Variants in SEMA3A observed in about 807,000 individuals in gnomAD.
The protein encoded by SEMA3A is semaphorin 3A.
A neutral mutation model predicts 97.9 loss-of-function variants in SEMA3A; 29 were observed. The observed-to-expected ratio is 0.30, with a 90% CI of 0.22 to 0.40. The LOEUF is 0.40. Ranked by LOEUF, SEMA3A falls within the 10% of genes least tolerant of loss-of-function variation. The pLI, the probability that SEMA3A is intolerant of heterozygous loss-of-function variation, is 1.00. For synonymous variants in SEMA3A, 321 were observed against 323.7 expected (o/e 0.99, Z 0.09); for missense variants, 763 against 951.3 (o/e 0.80, Z 2.60).
intron 1 of SEMA3A, among the ~76,000 whole-genome samples, chr7:84,179,792 G>A (rs946419956): frequency 6.6e-6 from 1 of 151,726 alleles, no homozygotes; most frequent in African/African-American, 2.4e-5. Flanking sequence ...AAGTATAGAA[G>A]CAAGAGTGTA....
intron 1 of SEMA3A, among the ~76,000 whole-genome samples, chr7:84,445,742 T>A (rs566930066): frequency 6.7e-4 from 102 of 151,572 alleles, no homozygotes; most frequent in Middle Eastern, 3.4e-3. Flanking sequence ...AAATTTATAG[T>A]TATAAATGCT....
chr7:84,441,896 C>CA (rs759120192), intron 1 of SEMA3A, among the ~76,000 whole-genome samples: 1 of 152,058 alleles, frequency 6.6e-6, no homozygotes, highest in Non-Finnish European at 1.5e-5. Flanking sequence ...ATGCAAAAAA[C>CA]AAACAAAACA....
At chr7:84,468,510 G>C (rs1806062714) in intron 1 of SEMA3A, among the ~76,000 whole-genome samples, 1 of 152,036 alleles carries the variant, frequency 6.6e-6, no homozygotes, top group Admixed American at 6.5e-5. Flanking sequence ...TGTCACACTA[G>C]TCACACCAAC....
intron 6 of SEMA3A, among the ~76,000 whole-genome samples, chr7:84,028,627 T>A (rs762511737): frequency 2.0e-5 from 3 of 152,154 alleles, no homozygotes; most frequent in Non-Finnish European, 2.9e-5. Context: ...TATTTTGAGA[T>A]GGAGTCTCAC....
intron 2 of SEMA3A, among the ~76,000 whole-genome samples, chr7:84,368,904 T>A (rs1008962192): frequency 6.6e-6 from 1 of 151,016 alleles, no homozygotes; most frequent in African/African-American, 2.4e-5. Context: ...TTGTATACAT[T>A]TGTGTATGCA....
chr7:83,961,530 A>C lies in SEMA3A; in HGVS notation c.2157T>G (p.Asp719Glu), dbSNP rs2116246935. The C allele has an allele frequency of 6.2e-7, 1 of 1,614,080 alleles. No homozygotes were observed. Among genetic ancestry groups the C allele is most frequent in the Non-Finnish European group, 8.5e-7 (1 of 1,179,972 alleles). Residue 719 changes from aspartate to glutamate, a missense_variant, in exon 17 of 17, where the codon GAT becomes GAG. By Grantham distance (45) the Asp-to-Glu change is conservative. Coordinates refer to ENST00000265362, the MANE Select transcript of SEMA3A (RefSeq NM_006080.3). ...TTTTCCAAACTTGTTCACAGAACTC[A>C]TCCATTGTGTTGAGATTGGGGTGGT... ...LINHPNLNTM[D>E]EFCEQVWKRD...
At chr7:84,008,922 C>A (rs1790774507) in intron 9 of SEMA3A, among the ~76,000 whole-genome samples, 2 of 152,180 alleles carry the variant, frequency 1.3e-5, no homozygotes, top group South Asian at 2.1e-4. Flanking sequence ...GGTTATCTAT[C>A]CCCTTTCCAT....
Position 83,961,328 on chromosome 7 carries a change from A to G in SEMA3A, c.*43T>C. On this transcript the variant is annotated 3_prime_UTR_variant, in exon 17 of 17. Transcript: ENST00000265362. ...GCATTTGTTTTTCCAGTTATTGTCTAGGCAAGTTTCTACTTGTTTGAGGTT... is the reference window on the plus strand; with the variant it reads ...GCATTTGTTTTTCCAGTTATTGTCTGGGCAAGTTTCTACTTGTTTGAGGTT... The G allele has an allele frequency of 6.7e-7, 1 of 1,485,616 alleles. No individual in the cohort carries two copies. The highest frequency in any genetic ancestry group is 1.4e-5 in the African/African-American group (1 of 72,016). The allele number at this position is 1,485,616 out of a possible 1,614,324, so 92.0% of individuals were successfully genotyped here.
intron 4 of SEMA3A, among the ~76,000 whole-genome samples, chr7:84,063,834 G>T (rs1793360053): frequency 6.7e-6 from 1 of 149,496 alleles, no homozygotes; most frequent in Admixed American, 6.6e-5. Flanking sequence ...AACCAAGTTG[G>T]AAAACACTCT....
intron 15 of SEMA3A, among the ~76,000 whole-genome samples, chr7:83,964,261 A>G (rs1788585595): frequency 6.6e-6 from 1 of 152,190 alleles, no homozygotes; most frequent in Admixed American, 6.5e-5. Context: ...TTCCATTATG[A>G]CATCCTGTAC....
At chr7:84,209,016 T>G (rs992175611) in intron 3 of SEMA3A, among the ~76,000 whole-genome samples, 1 of 152,216 alleles carries the variant, frequency 6.6e-6, no homozygotes, top group Non-Finnish European at 1.5e-5. Context: ...ACACCTTAAT[T>G]CAATTTTAAA....
At chr7:84,221,804 C>T (rs1055716946) in intron 3 of SEMA3A, among the ~76,000 whole-genome samples, 15 of 151,952 alleles carry the variant, frequency 9.9e-5, no homozygotes, top group African/African-American at 3.4e-4. Flanking sequence ...ATCACCATAA[C>T]AAATATAATA....
At chr7:84,434,383 C>T (rs1483542811) in intron 1 of SEMA3A, among the ~76,000 whole-genome samples, 1 of 151,950 alleles carries the variant, frequency 6.6e-6, no homozygotes, top group African/African-American at 2.4e-5. Context: ...AATCTACCGA[C>T]CAAAAAAAGC....
intron 1 of SEMA3A, among the ~76,000 whole-genome samples, chr7:84,162,357 G>A (rs1488037106): frequency 1.3e-5 from 2 of 152,024 alleles, no homozygotes; most frequent in Admixed American, 6.6e-5. Context: ...GAGGAAGGGT[G>A]GGGAGAGAAG....
chr7:84,078,859 C>T (rs1794047910), intron 4 of SEMA3A, among the ~76,000 whole-genome samples: 1 of 151,840 alleles, frequency 6.6e-6, no homozygotes, highest in Non-Finnish European at 1.5e-5. Context: ...AAGTGTTGAA[C>T]TGTAGGGATA....
At chr7:84,003,357 G>C (rs1391354424) in intron 11 of SEMA3A, among the ~76,000 whole-genome samples, 1 of 152,010 alleles carries the variant, frequency 6.6e-6, no homozygotes, top group Non-Finnish European at 1.5e-5. Flanking sequence ...CTCTTTTCCA[G>C]ATCAAGTTTT....
chr7:84,031,502 A>T (rs1275457526), intron 6 of SEMA3A, among the ~76,000 whole-genome samples: 1 of 152,202 alleles, frequency 6.6e-6, no homozygotes, highest in Admixed American at 6.5e-5. Context: ...ATGGAAAAAC[A>T]AAAGCAAATA....
intron 4 of SEMA3A, among the ~76,000 whole-genome samples, chr7:84,082,443 C>T (rs1741039470): frequency 6.6e-6 from 1 of 152,042 alleles, no homozygotes; most frequent in Admixed American, 6.5e-5. Flanking sequence ...ATTGTGAAGT[C>T]GTAACTCCTG....
At chr7:84,196,353 TTCTCTCTC>T (rs60887913), upstream of SEMA3A, among the ~76,000 whole-genome samples, 178 of 149,236 alleles carry the variant, frequency 1.2e-3, no homozygotes, top group Middle Eastern at 0.01. Context: ...TCGCTCTGCT[TTCTCTCTC>T]TCTCTCTCTC....
Sources: allele counts gnomAD v4.1 joint callset (sites outside exome capture counted in the v4.1 genomes callset), GRCh38; gene constraint gnomAD v4.1.1; transcripts MANE v1.5; gene names NCBI Gene and HGNC (gene_info 2026-07-23, HGNC 2026-07-21).